CEP85L: variants seen among roughly 807,000 people sequenced by gnomAD.
CEP85L encodes centrosomal protein of 85 kDa-like.
A neutral mutation model predicts 100.3 loss-of-function variants in CEP85L; 60 were observed. The observed-to-expected ratio is 0.60, with a 90% CI of 0.49 to 0.74. The LOEUF (loss-of-function observed/expected upper bound fraction) is 0.74, where lower values mean the gene tolerates loss of function less well. Ranked by LOEUF, CEP85L falls within the 30% of genes least tolerant of loss-of-function variation. CEP85L has a pLI of 0.00. For synonymous variants in CEP85L, 319 were observed against 322.7 expected, an observed-to-expected ratio of 0.99 and a Z score of 0.12; for missense variants, 973 against 936.2, an observed-to-expected ratio of 1.04 and a Z score of -0.51.
chr6:118,557,390 AAG>A (rs1403278641), intron 3 of CEP85L, among the ~76,000 whole-genome samples: 1 of 152,196 alleles, frequency 6.6e-6, no homozygotes, highest in East Asian at 1.9e-4. Context: ...AACCCAAAAC[AAG>A]CTGTACCTTA....
intron 4 of CEP85L, among the ~76,000 whole-genome samples, chr6:118,519,430 CTCTG>C (rs1307088598): frequency 2.2e-5 from 2 of 91,144 alleles, no homozygotes; most frequent in African/African-American, 9.5e-5. Flanking sequence ...CAGAGCAAAA[CTCTG>C]TGTGTGTGTG....
chr6:118,471,251 C>G (rs866150202), intron 10 of CEP85L, among the ~76,000 whole-genome samples: 1 of 151,944 alleles, frequency 6.6e-6, no homozygotes, highest in African/African-American at 2.4e-5. Context: ...ATTGTGAGTA[C>G]GCCAAAGCAG....
intron 1 of CEP85L, among the ~76,000 whole-genome samples, chr6:118,683,518 C>T (rs768318568): frequency 5.9e-5 from 9 of 152,170 alleles, no homozygotes; most frequent in Non-Finnish European, 1.0e-4. Flanking sequence ...TTCTCCTTTC[C>T]CAACTCCAGC....
intron 2 of CEP85L, among the ~76,000 whole-genome samples, chr6:118,625,302 C>A (rs1052226485): frequency 3.3e-5 from 5 of 152,216 alleles, no homozygotes; most frequent in African/African-American, 1.2e-4. Context: ...TGCTTTCTCT[C>A]ATTTCTAGCA....
At chr6:118,677,748 C>G (rs1375363426) in intron 1 of CEP85L, among the ~76,000 whole-genome samples, 1 of 152,150 alleles carries the variant, frequency 6.6e-6, no homozygotes, top group Non-Finnish European at 1.5e-5. Context: ...TTTCCCCAAG[C>G]CAAAGAACTA....
At chr6:118,566,400 T>A in intron 2 of CEP85L, 84 bp from the exon 3 acceptor site, 1 of 1,145,688 alleles carries the variant, frequency 8.7e-7, no homozygotes. Context: ...AAAAGAAATA[T>A]CTGAACATGG....
chr6:118,674,042 C>G (rs1011579877), intron 1 of CEP85L, among the ~76,000 whole-genome samples: 1 of 152,088 alleles, frequency 6.6e-6, no homozygotes, highest in African/African-American at 2.4e-5. Flanking sequence ...ATTGTAAGAG[C>G]TAAAACTATA....
intron 1 of CEP85L, among the ~76,000 whole-genome samples, chr6:118,698,950 G>C (rs753833177): frequency 6.6e-6 from 1 of 152,282 alleles, no homozygotes; most frequent in East Asian, 1.9e-4. Flanking sequence ...CAGAGGGTCA[G>C]TGTCAGAATT....
chr6:118,606,119 G>C (rs1287133305), intron 2 of CEP85L, among the ~76,000 whole-genome samples: 1 of 151,112 alleles, frequency 6.6e-6, no homozygotes, highest in Admixed American at 6.6e-5. Context: ...TCCAAGAAGA[G>C]AAAAAAATAA....
intron 5 of CEP85L, among the ~76,000 whole-genome samples, chr6:118,498,104 A>C (rs1775036135): frequency 6.6e-6 from 1 of 152,224 alleles, no homozygotes. Flanking sequence ...TGGATTAGTT[A>C]TAAATGTAAA....
intron 2 of CEP85L, among the ~76,000 whole-genome samples, chr6:118,629,037 CA>C (rs1414699087): frequency 1.3e-5 from 2 of 152,068 alleles, no homozygotes; most frequent in Non-Finnish European, 2.9e-5. Context: ...AAAATATTAA[CA>C]ATAAAAATAA....
intron 2 of CEP85L, among the ~76,000 whole-genome samples, chr6:118,576,414 C>T (rs2115052182): frequency 6.6e-6 from 1 of 152,368 alleles, no homozygotes; most frequent in South Asian, 2.1e-4. Context: ...AAGGCCCCAC[C>T]TCTGGCAAAG....
chr6:118,483,388 A>G (rs1176837627), intron 7 of CEP85L, among the ~76,000 whole-genome samples: 1 of 152,170 alleles, frequency 6.6e-6, no homozygotes, highest in Non-Finnish European at 1.5e-5. Flanking sequence ...GGTGAATCCT[A>G]GAGACTGTGT....
chr6:118,622,721 C>T (rs918826399), intron 2 of CEP85L, among the ~76,000 whole-genome samples: 2 of 152,346 alleles, frequency 1.3e-5, no homozygotes, highest in East Asian at 1.9e-4. Flanking sequence ...TCTCAGGGGA[C>T]ACCCATTAAG....
intron 3 of CEP85L, among the ~76,000 whole-genome samples, chr6:118,548,806 G>A (rs1778361195): frequency 6.6e-6 from 1 of 151,982 alleles, no homozygotes; most frequent in South Asian, 2.1e-4. Flanking sequence ...GTGCAGAACT[G>A]AGCTATTTAC....
chr6:118,647,772 G>A (rs773046471), intron 1 of CEP85L, among the ~76,000 whole-genome samples: 8 of 152,156 alleles, frequency 5.3e-5, no homozygotes, highest in African/African-American at 1.9e-4. Context: ...AAAAGCCTAC[G>A]GGAAATATGT....
intron 1 of CEP85L, chr6:118,646,801 G>A (rs1775229310): frequency 2.9e-6 from 1 of 346,530 alleles, no homozygotes; most frequent in East Asian, 1.6e-4. Context: ...TCTTTTCAGA[G>A]TATAAAAATA....
At chr6:118,695,034 C>T (rs956099788) in intron 1 of CEP85L, among the ~76,000 whole-genome samples, 4 of 151,956 alleles carry the variant, frequency 2.6e-5, no homozygotes, top group African/African-American at 7.3e-5. Context: ...CCCCAGAGAC[C>T]CTCTTTGTTC....
At chr6:118,581,002 G>A (rs986746765) in intron 2 of CEP85L, among the ~76,000 whole-genome samples, 2 of 152,120 alleles carry the variant, frequency 1.3e-5, no homozygotes, top group African/African-American at 4.8e-5. Context: ...GTATTTCTAA[G>A]CCAACAGTGC....
Sources: allele counts gnomAD v4.1 joint callset (sites outside exome capture counted in the v4.1 genomes callset), GRCh38; gene constraint gnomAD v4.1.1; transcripts MANE v1.5; gene names NCBI Gene and HGNC (gene_info 2026-07-23, HGNC 2026-07-21).